The following ABCC5 variants were observed in gnomAD, a reference collection of about 807,000 sequenced individuals.
ABCC5 encodes ATP-binding cassette sub-family C member 5.
ABCC5 carries 61 observed loss-of-function variants against 160.9 expected under a neutral mutation model. The observed-to-expected ratio is 0.38, with a 90% CI of 0.31 to 0.47. The LOEUF (loss-of-function observed/expected upper bound fraction) is 0.47, where lower values mean the gene tolerates loss of function less well. Ranked by LOEUF, ABCC5 falls within the 20% of genes least tolerant of loss-of-function variation. ABCC5 has a pLI of 0.99. For synonymous variants in ABCC5, 666 were observed against 700.6 expected (o/e 0.95, Z 0.78); for missense variants, 1,308 against 1,813.3 (o/e 0.72, Z 5.06).
At chr3:183,938,760 C>A (rs1364900985) in intron 25 of ABCC5, among the ~76,000 whole-genome samples, 1 of 152,162 alleles carries the variant, frequency 6.6e-6, no homozygotes, top group Non-Finnish European at 1.5e-5. Context: ...TTTCTCCCTA[C>A]CCCCTTATTA....
chr3:184,002,824 C>T (rs1367050883), intron 2 of ABCC5, among the ~76,000 whole-genome samples: 1 of 152,208 alleles, frequency 6.6e-6, no homozygotes, highest in Non-Finnish European at 1.5e-5. Flanking sequence ...CCTAATAAGC[C>T]TCGGGCTGAG....
chr3:184,001,244 C>A, intron 2 of ABCC5: 2 of 533,734 alleles, frequency 3.7e-6, no homozygotes, highest in South Asian at 5.7e-5. Context: ...CAGAGTGAGA[C>A]TCTGACTCTA....
intron 2 of ABCC5, chr3:184,001,381 T>G (rs1015783257): frequency 2.4e-6 from 1 of 418,316 alleles, no homozygotes; most frequent in African/African-American, 2.0e-5. Context: ...GAGGTATTTC[T>G]TTTTTCGTAC....
At chr3:183,980,024 G>A (rs1718574685) in intron 8 of ABCC5, among the ~76,000 whole-genome samples, 1 of 152,076 alleles carries the variant, frequency 6.6e-6, no homozygotes. Flanking sequence ...TACAGGCTGT[G>A]CCACCACGCC....
In ABCC5 at chr3:184,017,519, C is replaced by A. The variant is rs1722290336; in HGVS notation, c.-56+311G>T. On this transcript the variant is annotated intron_variant, in intron 1 of 29. Transcript: ENST00000334444. The surrounding 1 kb of genome is among the most constrained non-coding windows in gnomAD (Gnocchi z 4.5). ...CCTGCCCAGGCGAGCGCGACCCACA[C>A]CCACGGCCCGCGGGCGCAGCGCCCC... is the stretch of plus-strand genomic sequence containing the variant. 2 of 152,144 alleles carry A rather than the reference C, an allele frequency of 1.3e-5. No individual in the cohort carries two copies. The allele number at this position is 152,144 out of a possible 1,614,324, so 9.4% of individuals were successfully genotyped here. A position where few individuals can be genotyped will look rare whatever the true frequency, so the allele number is the denominator to read the frequency against.
At chr3:183,973,203 C>T (rs561501234) in intron 10 of ABCC5, among the ~76,000 whole-genome samples, 40 of 151,508 alleles carry the variant, frequency 2.6e-4, no homozygotes, top group African/African-American at 8.2e-4. Flanking sequence ...TACAGGTGCC[C>T]GCCACCACGC....
At chr3:183,928,436 G>T (rs567418056) in intron 27 of ABCC5, among the ~76,000 whole-genome samples, 1 of 152,304 alleles carries the variant, frequency 6.6e-6, no homozygotes, top group East Asian at 1.9e-4. Flanking sequence ...TTGCGTATAT[G>T]TGGACGCTTC....
At chr3:183,935,180 A>G (rs1400533100) in intron 26 of ABCC5, among the ~76,000 whole-genome samples, 1 of 151,720 alleles carries the variant, frequency 6.6e-6, no homozygotes, top group African/African-American at 2.4e-5. Context: ...CGCCTGGCCA[A>G]GCAATGGCTT....
At chr3:183,974,168 T>C (rs1432253568) in intron 10 of ABCC5, among the ~76,000 whole-genome samples, 1 of 152,178 alleles carries the variant, frequency 6.6e-6, no homozygotes, top group Non-Finnish European at 1.5e-5. Flanking sequence ...GCCTCAACTT[T>C]ATCACAGGAC....
rs571354204 is a variant in ABCC5 at position 183,967,427 on chromosome 3, C to G, written c.1833+268G>C. On this transcript the variant is annotated intron_variant, in intron 12 of 29. Coordinates refer to ENST00000334444, the MANE Select transcript of ABCC5 (RefSeq NM_005688.4). ...GCATACCTGTGGCACTCAATAGATA[C>G]ATGCTGAATGAAAGAAGGCATGAGA... is the stretch of plus-strand genomic sequence containing the variant. 6 of 420,508 alleles carry G rather than the reference C, an allele frequency of 1.4e-5. No individual in the cohort carries two copies. The East Asian group carries it at 3.0e-4, about 21-fold the overall frequency. The allele number at this position is 420,508 out of a possible 1,614,324, so 26.0% of individuals were successfully genotyped here.
At chr3:183,961,769 T>A in intron 15 of ABCC5, 115 bp from the exon 16 acceptor site, 1 of 1,299,112 alleles carries the variant, frequency 7.7e-7, no homozygotes, top group Non-Finnish European at 1.1e-6. Flanking sequence ...AGAAGACATT[T>A]GGCAGCATCT....
chr3:183,975,845 T>C (rs1387891800), intron 10 of ABCC5, among the ~76,000 whole-genome samples: 3 of 152,118 alleles, frequency 2.0e-5, no homozygotes, highest in Admixed American at 2.0e-4. Context: ...GAAAGCCACC[T>C]GCTAATCCAA....
At chr3:183,946,408 T>C (rs1226229765) in intron 23 of ABCC5, among the ~76,000 whole-genome samples, 1 of 152,198 alleles carries the variant, frequency 6.6e-6, no homozygotes, top group Non-Finnish European at 1.5e-5. Context: ...AAACAGTCTA[T>C]ATAATGCATT....
At chr3:183,968,650 G>A (rs188434678) in intron 11 of ABCC5, among the ~76,000 whole-genome samples, 274 of 152,274 alleles carry the variant, frequency 1.8e-3, no homozygotes, top group Non-Finnish European at 3.0e-3. Context: ...AAGATAAAGA[G>A]TTCTCAAAGT....
intron 2 of ABCC5, 150 bp from the exon 3 acceptor site, chr3:183,989,533 T>C (rs1003350319): frequency 2.2e-5 from 16 of 723,254 alleles, no homozygotes; most frequent in Non-Finnish European, 3.1e-5. Context: ...ACTAACTTTG[T>C]ATGATTTGAA....
At chr3:183,984,123 C>T in intron 5 of ABCC5, 22 of 985,306 alleles carry the variant, frequency 2.2e-5, no homozygotes, top group South Asian at 4.7e-5. Flanking sequence ...GAAAAGCTCC[C>T]CAAAGAGGTA....
intron 26 of ABCC5, among the ~76,000 whole-genome samples, chr3:183,937,244 G>T (rs1272191602): frequency 2.0e-5 from 3 of 152,176 alleles, no homozygotes; most frequent in Non-Finnish European, 2.9e-5. Flanking sequence ...GGGCCTGGGG[G>T]AGGGCGCCTG....
Position 183,988,892 on chromosome 3 carries a change from G to A in ABCC5, c.288-165C>T, listed in dbSNP as rs926284225. 4.3e-4 allele frequency among the ~76,000 whole-genome samples: 65 copies of A among 152,202 alleles called. No homozygotes were observed. Among genetic ancestry groups the A allele is most frequent in the African/African-American group, 1.5e-3 (62 of 41,530 alleles). On this transcript the variant is annotated intron_variant, in intron 3 of 29. Coordinates refer to ENST00000334444, the MANE Select transcript of ABCC5 (RefSeq NM_005688.4). This position sits in a 1 kb window ranked among gnomAD's most constrained non-coding sequence, Gnocchi z 4.4. ...CTAAAACGGCTTTGATGGGCCGGGC[G>A]CGGTGGCTCACACCTGTAATCCCAG...
Position 183,951,323 on chromosome 3 carries a change from G to A in ABCC5, c.2944+118C>T. 2 of 1,334,862 alleles carry A rather than the reference G, an allele frequency of 1.5e-6. No homozygotes were observed. Among genetic ancestry groups the A allele is most frequent in the Non-Finnish European group, 2.0e-6 (2 of 983,214 alleles). 82.7% of individuals were successfully genotyped at this position (1,334,862 alleles called of 1,614,324 possible). A position where few individuals can be genotyped will look rare whatever the true frequency, so the allele number is the denominator to read the frequency against. The stretch of plus-strand genomic sequence containing the variant: ...TGCAATGTTCCTGGTGAAAACACCA[G>A]CAGTCACTGTGCTCTCAGGATCTAC... On this transcript the variant is annotated intron_variant, in intron 20 of 29. Transcript: ENST00000334444. The surrounding 1 kb of genome is among the most constrained non-coding windows in gnomAD (Gnocchi z 4.7).
Sources: allele counts gnomAD v4.1 joint callset (sites outside exome capture counted in the v4.1 genomes callset), GRCh38; gene constraint gnomAD v4.1.1; non-coding constraint Gnocchi (gnomAD v3.1); transcripts MANE v1.5; gene names NCBI Gene and HGNC (gene_info 2026-07-23, HGNC 2026-07-21).